MMP26: variants seen among roughly 807,000 people sequenced by gnomAD.
The protein encoded by MMP26 is matrix metalloproteinase-26.
Under a neutral mutation model 31.0 loss-of-function variants are expected in MMP26, and 33 were observed. The observed-to-expected ratio is 1.06, with a 90% CI of 0.81 to 1.42. MMP26 has a LOEUF of 1.42. Ranked by LOEUF, MMP26 falls within the 40% of genes most tolerant of loss-of-function variation. The pLI, the probability that MMP26 is intolerant of heterozygous loss-of-function variation, is 0.00. For synonymous variants in MMP26, 122 were observed against 114.9 expected (o/e 1.06, Z -0.40); for missense variants, 347 against 316.1 (o/e 1.10, Z -0.74).
intron 2 of MMP26, among the ~76,000 whole-genome samples, chr11:4,767,717 T>C (rs527827321): frequency 3.3e-5 from 5 of 152,058 alleles, no homozygotes; most frequent in African/African-American, 9.7e-5. Flanking sequence ...TATGCAAAAA[T>C]AGGCTCTTGC....
intron 1 of MMP26, among the ~76,000 whole-genome samples, chr11:4,756,252 GA>G (rs1848503230): frequency 6.6e-6 from 1 of 152,000 alleles, no homozygotes; most frequent in Admixed American, 6.6e-5. Flanking sequence ...ATAATGCATA[GA>G]AAAAATACGG....
chr11:4,948,542 A>G (rs543528190), intron 2 of MMP26, among the ~76,000 whole-genome samples: 2 of 123,904 alleles, frequency 1.6e-5, no homozygotes, highest in East Asian at 4.5e-4. Flanking sequence ...GGAATTGTGT[A>G]TTATTTTTAG....
chr11:4,961,169 T>C lies in MMP26; in HGVS notation c.-144-26899T>C, dbSNP rs147426464. 2.9e-3 allele frequency among the ~76,000 whole-genome samples: 436 copies of C among 152,362 alleles called. 1 individual carries two copies. The highest frequency in any genetic ancestry group is 0.01 in the African/African-American group (419 of 41,590). ...GATGTACCTAAAGGATATTTCTTCA[T>C]TTACCAAGGAAGTTTCAGTGTTTCT... On this transcript the variant is annotated intron_variant, in intron 2 of 7. Transcript: ENST00000380390.
chr11:4,746,495 T>C (rs1448292630), intron 1 of MMP26, among the ~76,000 whole-genome samples: 2 of 152,304 alleles, frequency 1.3e-5, no homozygotes, highest in South Asian at 4.1e-4. Flanking sequence ...ATCTCACTAC[T>C]TGATTTACAG....
intron 2 of MMP26, among the ~76,000 whole-genome samples, chr11:4,828,485 A>G (rs747578096): frequency 6.6e-6 from 1 of 152,194 alleles, no homozygotes; most frequent in Non-Finnish European, 1.5e-5. Context: ...TGATGGCAAT[A>G]GATATGCTGT....
At chr11:4,832,680 G>A (rs910565253) in intron 2 of MMP26, 4 of 195,144 alleles carry the variant, frequency 2.0e-5, no homozygotes, top group Non-Finnish European at 2.2e-5. Flanking sequence ...GCCTTCACCA[G>A]GATGTAATGA....
At chr11:4,946,002 A>C in intron 2 of MMP26, 2 of 700,750 alleles carry the variant, frequency 2.9e-6, no homozygotes, top group South Asian at 3.8e-5. Flanking sequence ...TCCTGTTTAT[A>C]GTTCTATTCT....
chr11:4,981,609 C>T (rs1253868538), intron 2 of MMP26, among the ~76,000 whole-genome samples: 2 of 152,034 alleles, frequency 1.3e-5, no homozygotes, highest in African/African-American at 4.8e-5. Flanking sequence ...CACTACTGTA[C>T]ACTTAGGCTA....
At chr11:4,821,768 T>C in intron 2 of MMP26, 1 of 1,613,786 alleles carries the variant, frequency 6.2e-7, no homozygotes. Flanking sequence ...GAGTCTGGGG[T>C]TCTACTGGCC....
At chr11:4,958,536 G>GTCTA (rs201149566) in intron 2 of MMP26, among the ~76,000 whole-genome samples, 4 of 151,744 alleles carry the variant, frequency 2.6e-5, no homozygotes, top group African/African-American at 4.9e-5. Flanking sequence ...CTATCTATCT[G>GTCTA]TCTATCTATC....
Position 4,989,652 on chromosome 11 carries a change from A to C in MMP26, c.104A>C (p.Tyr35Ser), listed in dbSNP as rs190728401. 6.2e-7 allele frequency: 1 copy of C among 1,610,932 alleles called. No homozygotes were observed. The highest frequency in any genetic ancestry group is 2.2e-5 in the East Asian group (1 of 44,844). ...DHKGWDFVEG[Y>S]FHQFFLTKKE... ...ATCCTTCTTGATCTGATTCAGGGCT[A>C]TTTCCATCAATTTTTCCTGACCAAG... Residue 35 changes from tyrosine to serine, a missense_variant, in exon 4 of 8, where the codon TAT (tyrosine) becomes TCT (serine). Transcript: ENST00000380390.
intron 2 of MMP26, among the ~76,000 whole-genome samples, chr11:4,870,752 T>G (rs888559555): frequency 7.2e-5 from 11 of 152,104 alleles, no homozygotes; most frequent in Non-Finnish European, 1.2e-4. Context: ...TTTGTTTTCA[T>G]TTTACAGTAT....
At chr11:4,886,728 A>ATTTTTTTTTTTTTTTTTTTTTTTTT in intron 2 of MMP26, among the ~76,000 whole-genome samples, 1 of 150,896 alleles carries the variant, frequency 6.6e-6, no homozygotes, top group Non-Finnish European at 1.5e-5. Flanking sequence ...AAAAGACTTT[A>ATTTTTTTTTTTTTTTTTTTTTTTTT]TTTTTGACAG....
intron 2 of MMP26, among the ~76,000 whole-genome samples, chr11:4,900,249 C>T (rs1205083419): frequency 6.6e-6 from 1 of 152,126 alleles, no homozygotes; most frequent in African/African-American, 2.4e-5. Flanking sequence ...GGATCAAACC[C>T]TTTGTAAGCC....
At position 4,991,274 on chromosome 11, in the gene MMP26, T is replaced by G. The variant is rs552640985; in HGVS notation, c.470-97T>G. 1.3e-5 allele frequency: 18 copies of G among 1,429,178 alleles called. No individual in the cohort carries two copies. In the South Asian group the frequency reaches 2.4e-4, roughly 19 times the overall value. 88.5% of individuals were successfully genotyped at this position (1,429,178 alleles called of 1,614,324 possible). A position where few individuals can be genotyped will look rare whatever the true frequency, so the allele number is the denominator to read the frequency against. On this transcript the variant is annotated intron_variant, in intron 5 of 7. Coordinates refer to ENST00000380390, the MANE Select transcript of MMP26 (RefSeq NM_021801.5). The stretch of plus-strand genomic sequence containing the variant: ...CTCACATCCCCCAGTGGTAGACTGT[T>G]GCACAGTATCCTAAGTCTCTGAGGC...
intron 2 of MMP26, among the ~76,000 whole-genome samples, chr11:4,794,443 T>A (rs1849076861): frequency 6.6e-6 from 1 of 152,156 alleles, no homozygotes; most frequent in African/African-American, 2.4e-5. Flanking sequence ...TAGTTCCTCA[T>A]AGGTTGAGTA....
chr11:4,939,975 T>A lies in MMP26; in HGVS notation c.-144-48093T>A, dbSNP rs575250435. 9.9e-5 allele frequency among the ~76,000 whole-genome samples: 15 copies of A among 152,258 alleles called. No individual in the cohort carries two copies. In the South Asian group the frequency reaches 3.1e-3, roughly 32 times the overall value. Reference sequence around the variant, plus strand: ...GTGGCCATTTGTGTTCTGGCATTTGTCTCACCATTGTCTTAAAGATTGCAT... The same window carrying A: ...GTGGCCATTTGTGTTCTGGCATTTGACTCACCATTGTCTTAAAGATTGCAT... On this transcript the variant is annotated intron_variant, in intron 2 of 7. Transcript: ENST00000380390.
chr11:4,744,475 A>C (rs948561529), intron 1 of MMP26, among the ~76,000 whole-genome samples: 5 of 152,060 alleles, frequency 3.3e-5, no homozygotes, highest in African/African-American at 9.7e-5. Flanking sequence ...ACGTTAATGC[A>C]TGACCATTGT....
chr11:4,974,656 A>C (rs1016205120), intron 2 of MMP26, among the ~76,000 whole-genome samples: 3 of 152,034 alleles, frequency 2.0e-5, no homozygotes, highest in Non-Finnish European at 4.4e-5. Flanking sequence ...CTGTTTCCTC[A>C]CTACCATAGA....
Sources: allele counts gnomAD v4.1 joint callset (sites outside exome capture counted in the v4.1 genomes callset), GRCh38; gene constraint gnomAD v4.1.1; transcripts MANE v1.5; gene names NCBI Gene and HGNC (gene_info 2026-07-23, HGNC 2026-07-21).